SLAMF8: variants seen among roughly 807,000 people sequenced by gnomAD.
SLAMF8 encodes SLAM family member 8, also known as B lymphocyte activator macrophage expressed.
Under a neutral mutation model 29.0 loss-of-function variants are expected in SLAMF8, and 23 were observed. The ratio of observed to expected loss-of-function variants is 0.79; its 90% CI spans 0.57 to 1.13. The LOEUF (loss-of-function observed/expected upper bound fraction) is 1.13. SLAMF8 is among the 50% of genes most tolerant of loss of function. The probability of loss-of-function intolerance (pLI) is 0.00; values close to 1 mark genes in which losing one functional copy is unlikely to be tolerated. For missense variants in SLAMF8, 381 were observed against 353.1 expected, an observed-to-expected ratio of 1.08 and a Z score of -0.63; for synonymous variants, 139 against 145.6, an observed-to-expected ratio of 0.96 and a Z score of 0.32.
chr1:159,827,459 G>A (rs1663699102), intron 1 of SLAMF8, among the ~76,000 whole-genome samples: 1 of 152,162 alleles, frequency 6.6e-6, no homozygotes, highest in Non-Finnish European at 1.5e-5. Context: ...TGTGGCCCAC[G>A]TGGACTTAGG....
intron 1 of SLAMF8, among the ~76,000 whole-genome samples, chr1:159,828,901 C>T (rs563549746): frequency 6.6e-5 from 10 of 152,234 alleles, no homozygotes; most frequent in South Asian, 6.2e-4. Flanking sequence ...AATATAGTCC[C>T]CCAAAACAGC....
intron 2 of SLAMF8, among the ~76,000 whole-genome samples, chr1:159,831,250 A>T (rs1647466268): frequency 6.6e-6 from 1 of 152,210 alleles, no homozygotes; most frequent in South Asian, 2.1e-4. Context: ...CAGAGGTAGC[A>T]GCTGGGAAGA....
At chr1:159,834,760 T>C (rs1647784991) in intron 4 of SLAMF8, 1 of 167,824 alleles carries the variant, frequency 6.0e-6, no homozygotes, top group South Asian at 1.5e-4. Context: ...TGTGGCCCTT[T>C]GGCCAGGCTT....
At position 159,829,917 on chromosome 1, in the gene SLAMF8, G is replaced by A. The variant is rs943112449; in HGVS notation, c.92G>A (p.Gly31Asp). Residue 31 changes from glycine to aspartate, a missense_variant, in exon 2 of 5, where the codon GGC (glycine) becomes GAC (aspartate). Physicochemically the swap from Gly to Asp is moderately conservative, Grantham distance 94 (BLOSUM62 -1). Transcript: ENST00000289707. Reference protein sequence around the residue: ...TGAQVLSKVGGSVLLVAARPP... With the variant: ...TGAQVLSKVGDSVLLVAARPP... ...GCCCAAGTGCTGAGCAAAGTCGGGG[G>A]CTCGGTGCTGCTGGTGGCAGCGCGT... is the stretch of plus-strand genomic sequence containing the variant. 1.1e-5 allele frequency: 17 copies of A among 1,614,056 alleles called. No homozygotes were observed. The East Asian group carries it at 1.6e-4, about 15-fold the overall frequency.
At chr1:159,828,002 GT>G (rs1393925296) in intron 1 of SLAMF8, among the ~76,000 whole-genome samples, 1 of 152,092 alleles carries the variant, frequency 6.6e-6, no homozygotes, top group East Asian at 1.9e-4. Context: ...CCCGGCTAAT[GT>G]TTGTATTTTT....
rs1647653318 is a variant in SLAMF8, at chr1:159,833,445, C to T, written c.781+76C>T. On this transcript the variant is annotated intron_variant, in intron 4 of 4. Coordinates refer to ENST00000289707, the MANE Select transcript of SLAMF8 (RefSeq NM_020125.3). ...GGAGGAGGGGGTCTTGGACCTCCTC[C>T]TATTTAGGCTTCAGATGGTCTGCCC... 3 of 1,601,190 alleles carry T rather than the reference C, an allele frequency of 1.9e-6. No individual in the cohort carries two copies. The South Asian group carries it at 3.3e-5, about 18-fold the overall frequency.
chr1:159,829,602 T>G (rs1296423187), intron 1 of SLAMF8, among the ~76,000 whole-genome samples: 1 of 152,236 alleles, frequency 6.6e-6, no homozygotes, highest in African/African-American at 2.4e-5. Context: ...CCAGGGCATC[T>G]CATTTTTCCC....
chr1:159,835,230 A>C lies in SLAMF8; in HGVS notation c.828A>C (p.Thr276=). 6.2e-7 allele frequency: 1 copy of C among 1,614,128 alleles called. No individual in the cohort carries two copies. Residue 276 remains threonine (T), a synonymous_variant, in exon 5 of 5, where the codon ACA becomes ACC. Transcript: ENST00000289707. ...DVHADRVGPE[T]ENPLVQDLP ...ATGCTGACAGAGTGGGTCCAGAGACAGAGAACCCCCTTGTGCAGGATCTGC... is the reference window on the plus strand; with the variant it reads ...ATGCTGACAGAGTGGGTCCAGAGACCGAGAACCCCCTTGTGCAGGATCTGC...
chr1:159,833,471 C>A, intron 4 of SLAMF8, 102 bp downstream of exon 4: 2 of 1,525,252 alleles, frequency 1.3e-6, no homozygotes, highest in South Asian at 1.2e-5. Context: ...TGGTCTGCCC[C>A]TTCCTACCTC....
intron 1 of SLAMF8, among the ~76,000 whole-genome samples, chr1:159,829,088 C>T (rs1043759033): frequency 1.3e-5 from 2 of 152,102 alleles, no homozygotes; most frequent in Non-Finnish European, 2.9e-5. Context: ...TTCTCAATTC[C>T]TCCCACTTCT....
chr1:159,826,970 G>A, intron 1 of SLAMF8, 32 bp downstream of exon 1: 2 of 1,613,738 alleles, frequency 1.2e-6, no homozygotes, highest in Middle Eastern at 1.7e-4. Context: ...CCTGTCCTCG[G>A]AGAGCTGAAG....
rs1457415099 is a variant in SLAMF8 at position 159,835,392 on chromosome 1, AG to A, written c.*134del. On this transcript the variant is annotated 3_prime_UTR_variant, in exon 5 of 5. Transcript: ENST00000289707. ...CCATGGGAATCCTGTCCTGCCTCGAAGGAGCAGCCTGGGCAGCCATCACACC... is the reference window on the plus strand; with the variant it reads ...CCATGGGAATCCTGTCCTGCCTCGAAGAGCAGCCTGGGCAGCCATCACACC... The A allele has an allele frequency of 4.1e-5, 59 of 1,426,066 alleles. No homozygotes were observed. Among genetic ancestry groups the A allele is most frequent in the Non-Finnish European group, 5.2e-5 (57 of 1,089,730 alleles). 88.3% of individuals were successfully genotyped at this position (1,426,066 alleles called of 1,614,324 possible).
At position 159,833,495 on chromosome 1, in the gene SLAMF8, C is replaced by T; in HGVS notation, c.781+126C>T. 5 of 1,364,032 alleles carry T rather than the reference C, an allele frequency of 3.7e-6. No individual in the cohort carries two copies. In the South Asian group the frequency reaches 6.5e-5, roughly 18 times the overall value. 84.5% of individuals were successfully genotyped at this position (1,364,032 alleles called of 1,614,324 possible). On this transcript the variant is annotated intron_variant, in intron 4 of 4. Transcript: ENST00000289707. Reference sequence around the variant, plus strand: ...CCTTCCTACCTCTCCCACCTCATCTCTTGGCCTTCTCTAGCTCATATCTTG... The same window carrying T: ...CCTTCCTACCTCTCCCACCTCATCTTTTGGCCTTCTCTAGCTCATATCTTG...
Position 159,833,352 on chromosome 1 carries a change from A to G in SLAMF8, c.764A>G (p.His255Arg). 1 of 1,613,930 alleles carries G rather than the reference A, an allele frequency of 6.2e-7. No individual in the cohort carries two copies. The highest frequency in any genetic ancestry group is 8.5e-7 in the Non-Finnish European group (1 of 1,179,862). The change falls in exon 4 of 5, where the codon CAC (histidine) becomes CGC (arginine). Residue 255 changes from histidine (H) to arginine (R), a missense_variant. By Grantham distance (29) the His-to-Arg change is conservative. Transcript: ENST00000289707. ...CTGGTTACTCTCTTCTCTGCCTGGCACTGGTGCCCCTGCTCAGGTAGGAGT... is the reference window on the plus strand; with the variant it reads ...CTGGTTACTCTCTTCTCTGCCTGGCGCTGGTGCCCCTGCTCAGGTAGGAGT... ...LMLVTLFSAW[H>R]WCPCSGKKKK... is the part of the protein sequence containing the mutation.
intron 2 of SLAMF8, among the ~76,000 whole-genome samples, chr1:159,831,064 A>G (rs1040818865): frequency 6.6e-6 from 1 of 151,976 alleles, no homozygotes; most frequent in African/African-American, 2.4e-5. Context: ...CACCACAGCC[A>G]CCTCCACCAC....
At chr1:159,830,233 A>C (rs1306007480) in intron 2 of SLAMF8, 41 bp downstream of exon 2, 1 of 1,523,160 alleles carries the variant, frequency 6.6e-7, no homozygotes, top group Non-Finnish European at 8.8e-7. Context: ...CTCTTCCCCC[A>C]CAAAGCACCA....
rs1647926812 is a variant in SLAMF8, at chr1:159,836,269, T to A, written c.*1009T>A. 2 of 985,096 alleles carry A rather than the reference T, an allele frequency of 2.0e-6. No individual in the cohort carries two copies. The highest frequency in any genetic ancestry group is 1.2e-6 in the Non-Finnish European group (1 of 829,734). The allele number at this position is 985,096 out of a possible 1,614,324, so 61.0% of individuals were successfully genotyped here. ...ATTTTCAAATGCAAATGCAGAAGAC[T>A]TACCTTAGTTCAAGGGGAGGGGACA... is the stretch of plus-strand genomic sequence containing the variant. On this transcript the variant is annotated 3_prime_UTR_variant, in exon 5 of 5. Coordinates refer to ENST00000289707, the MANE Select transcript of SLAMF8 (RefSeq NM_020125.3).
At position 159,833,288 on chromosome 1, in the gene SLAMF8, G is replaced by A; in HGVS notation, c.700G>A (p.Val234Met). The change falls in exon 4 of 5, where the codon GTG becomes ATG. Residue 234 changes from valine (V) to methionine (M), a missense_variant. Transcript: ENST00000289707. ...ACCAGGGAAGGCCTCCTACAAAGAT[G>A]TGCTGCTGGTGGTGGTGCCTGTCTC... ...AAPGKASYKD[V>M]LLVVVPVSLL... is the part of the protein sequence containing the mutation. The A allele has an allele frequency of 6.2e-7, 1 of 1,614,178 alleles. No homozygotes were observed. The highest frequency in any genetic ancestry group is 8.5e-7 in the Non-Finnish European group (1 of 1,180,024).
chr1:159,833,324 A>G lies in SLAMF8; in HGVS notation c.736A>G (p.Met246Val), dbSNP rs114443420. 4.0e-3 allele frequency: 6,416 copies of G among 1,614,074 alleles called. 20 individuals are homozygous for G. The highest frequency in any genetic ancestry group is 4.7e-3 in the Non-Finnish European group (5,515 of 1,179,990). Residue 246 changes from methionine (M) to valine (V), a missense_variant, in exon 4 of 5, where the codon ATG (methionine) becomes GTG (valine). By Grantham distance (21) the Met-to-Val change is conservative. Transcript: ENST00000289707. The part of the protein sequence containing the change: ...LVVVPVSLLL[M>V]LVTLFSAWHW... ...GGTGGTGCCTGTCTCGCTGCTCCTGATGCTGGTTACTCTCTTCTCTGCCTG... is the reference window on the plus strand; with the variant it reads ...GGTGGTGCCTGTCTCGCTGCTCCTGGTGCTGGTTACTCTCTTCTCTGCCTG...
Sources: gnomAD v4.1 joint callset for allele counts (sites outside exome capture counted in the v4.1 genomes callset) on GRCh38, gnomAD v4.1.1 for gene constraint, MANE v1.5 for transcripts, NCBI Gene and HGNC (gene_info 2026-07-23, HGNC 2026-07-21) for gene names.